Variants in B4GALNT3 observed in about 807,000 individuals in gnomAD.
The protein encoded by B4GALNT3 is beta-1,4-N-acetylgalactosaminyltransferase 3.
In B4GALNT3, 86 loss-of-function variants were observed where a neutral mutation model predicts 120.2. The ratio of observed to expected loss-of-function variants is 0.72; its 90% confidence interval spans 0.60 to 0.86. The LOEUF (loss-of-function observed/expected upper bound fraction) is 0.86, where lower values mean the gene tolerates loss of function less well. Among genes scored for constraint, B4GALNT3 ranks in the 40% least tolerant of loss-of-function variants. The pLI is 0.00. For synonymous variants in B4GALNT3, 518 were observed against 510.4 expected, an observed-to-expected ratio of 1.01 and a Z score of -0.20; for missense variants, 1,167 against 1,298.9, an observed-to-expected ratio of 0.90 and a Z score of 1.56.
chr12:526,195 C>A (rs764205153), intron 1 of B4GALNT3, among the ~76,000 whole-genome samples: 2 of 152,120 alleles, frequency 1.3e-5, no homozygotes, highest in Non-Finnish European at 2.9e-5. Context: ...TGTATCACAG[C>A]GGGTAGCAGA....
intron 1 of B4GALNT3, among the ~76,000 whole-genome samples, chr12:508,988 G>A (rs1946522384): frequency 6.6e-6 from 1 of 152,204 alleles, no homozygotes; most frequent in South Asian, 2.1e-4. Flanking sequence ...AGCCTTGCTG[G>A]GGAGGTGCCC....
intron 1 of B4GALNT3, among the ~76,000 whole-genome samples, chr12:517,124 CA>C (rs2120608480): frequency 6.6e-6 from 1 of 152,258 alleles, no homozygotes; most frequent in Admixed American, 6.5e-5. Flanking sequence ...TAAGAAAATT[CA>C]CTGTATAAGC....
intron 1 of B4GALNT3, among the ~76,000 whole-genome samples, chr12:508,172 A>AG (rs1592029393): frequency 6.6e-6 from 1 of 152,242 alleles, no homozygotes; most frequent in African/African-American, 2.4e-5. Context: ...ACCTGTCCCT[A>AG]GGGGGACATC....
chr12:527,976 G>T (rs1383776204), intron 1 of B4GALNT3, among the ~76,000 whole-genome samples: 2 of 152,014 alleles, frequency 1.3e-5, no homozygotes, highest in Non-Finnish European at 2.9e-5. Flanking sequence ...GGTCATTGGA[G>T]AGGGGATAGG....
Position 535,166 on chromosome 12 carries a change from GGTACGGC to G in B4GALNT3, c.171_177del (p.Tyr58AlafsTer29). ...GGGCTCCTCTCTTCCCCTTCCACAG[GGTACGGC>G]AGCTGGAGAGAACTGGCCAAGGCTC... On this transcript the variant is annotated frameshift_variant and splice_region_variant, in exon 2 of 20. Transcript: ENST00000266383. LOFTEE classifies it high-confidence loss of function. 1 of 1,611,834 alleles carries G rather than the reference GGTACGGC, an allele frequency of 6.2e-7. No homozygotes were observed. The highest frequency in any genetic ancestry group is 8.5e-7 in the Non-Finnish European group (1 of 1,178,546).
intron 1 of B4GALNT3, among the ~76,000 whole-genome samples, chr12:483,285 A>G (rs1357806470): frequency 6.6e-6 from 1 of 152,234 alleles, no homozygotes; most frequent in Non-Finnish European, 1.5e-5. Context: ...TGATAAATAT[A>G]GAAAGAAAAG....
chr12:503,087 C>A (rs1179937091), intron 1 of B4GALNT3, among the ~76,000 whole-genome samples: 1 of 152,050 alleles, frequency 6.6e-6, no homozygotes, highest in Non-Finnish European at 1.5e-5. Flanking sequence ...GAACTAGCAG[C>A]TAGACAAGAT....
In B4GALNT3 at chr12:561,727, G is replaced by A. The variant is rs56150479; in HGVS notation, c.*276G>A. On this transcript the variant is annotated 3_prime_UTR_variant, in exon 20 of 20. Transcript: ENST00000266383. ...AACGGGAAGAGCTCCTGAGAAGGACGGGTCAGGAAGGAGAGATCTGACTGA... is the reference window on the plus strand; with the variant it reads ...AACGGGAAGAGCTCCTGAGAAGGACAGGTCAGGAAGGAGAGATCTGACTGA... 0.31 allele frequency: 125,370 copies of A among 402,086 alleles called. 20,644 individuals are homozygous for A. Among genetic ancestry groups the A allele is most frequent in the South Asian group, 0.35 (10,227 of 29,050 alleles). 24.9% of individuals were successfully genotyped at this position (402,086 alleles called of 1,614,324 possible).
At chr12:507,466 G>GGAATTT (rs1565596653) in intron 1 of B4GALNT3, among the ~76,000 whole-genome samples, 1 of 152,190 alleles carries the variant, frequency 6.6e-6, no homozygotes, top group East Asian at 1.9e-4. Flanking sequence ...CCACTGTCTT[G>GGAATTT]GAATTTGGAC....
At position 558,681 on chromosome 12, in the gene B4GALNT3, G is replaced by C. The variant is rs747834474; in HGVS notation, c.2761+20G>C. ...CTGAGGGTGAGCCCTGCTCAGACTG[G>C]GGAGGGAGGAAAGACTTCTCTGATC... On this transcript the variant is annotated intron_variant, in intron 18 of 19. Transcript: ENST00000266383. The C allele has an allele frequency of 1.9e-6, 3 of 1,611,340 alleles. No individual in the cohort carries two copies. Among genetic ancestry groups the C allele is most frequent in the African/African-American group, 2.7e-5 (2 of 74,886 alleles).
At chr12:500,677 C>T (rs569607424) in intron 1 of B4GALNT3, among the ~76,000 whole-genome samples, 5 of 152,086 alleles carry the variant, frequency 3.3e-5, no homozygotes, top group East Asian at 3.9e-4. Context: ...TGCCCCAACC[C>T]GGGACCCACC....
chr12:539,990 G>A (rs1407595982), intron 3 of B4GALNT3, among the ~76,000 whole-genome samples: 4 of 152,204 alleles, frequency 2.6e-5, no homozygotes, highest in Admixed American at 6.5e-5. Context: ...TGTAGGAACC[G>A]GTGACCTGAT....
intron 1 of B4GALNT3, among the ~76,000 whole-genome samples, chr12:511,501 C>G: frequency 9.3e-6 from 1 of 107,318 alleles, no homozygotes. Context: ...TTCCACCTTC[C>G]ACCTTCCACC....
intron 1 of B4GALNT3, among the ~76,000 whole-genome samples, chr12:532,463 C>A (rs890005974): frequency 3.3e-5 from 5 of 152,206 alleles, no homozygotes; most frequent in Admixed American, 2.6e-4. Flanking sequence ...GGCTTCAGGA[C>A]AGGACTGAGC....
chr12:511,686 A>C (rs1349449293), intron 1 of B4GALNT3, among the ~76,000 whole-genome samples: 1 of 60,324 alleles, frequency 1.7e-5, no homozygotes, highest in Admixed American at 1.4e-4. Context: ...TCCGCCTTCC[A>C]CCTTCTGTCT....
chr12:513,593 T>G (rs1946620861), intron 1 of B4GALNT3, among the ~76,000 whole-genome samples: 1 of 152,236 alleles, frequency 6.6e-6, no homozygotes, highest in Non-Finnish European at 1.5e-5. Context: ...AAGGTCTTTA[T>G]GACCTGTATC....
chr12:545,526 T>A, intron 6 of B4GALNT3, 57 bp downstream of exon 6: 1 of 1,480,914 alleles, frequency 6.8e-7, no homozygotes, highest in Non-Finnish European at 9.2e-7. Context: ...GTTCATTGAG[T>A]CCTCCAGCAG....
At chr12:537,138 C>T (rs1187706001) in intron 3 of B4GALNT3, among the ~76,000 whole-genome samples, 4 of 152,154 alleles carry the variant, frequency 2.6e-5, no homozygotes, top group African/African-American at 4.8e-5. Flanking sequence ...AACTAGTGCT[C>T]GAGGATCCAT....
chr12:524,913 G>A (rs1946746688), intron 1 of B4GALNT3, among the ~76,000 whole-genome samples: 1 of 152,040 alleles, frequency 6.6e-6, no homozygotes, highest in African/African-American at 2.4e-5. Context: ...TGCATGTGGT[G>A]GGTTAAACTT....
Sources: gnomAD v4.1 joint callset for allele counts (sites outside exome capture counted in the v4.1 genomes callset) on GRCh38, gnomAD v4.1.1 for gene constraint, MANE v1.5 for transcripts, NCBI Gene and HGNC (gene_info 2026-07-23, HGNC 2026-07-21) for gene names.